The following EPHB1 variants were observed in gnomAD, a reference collection of about 807,000 sequenced individuals.
EPHB1 encodes the protein ephrin type-B receptor 1.
In EPHB1, 30 loss-of-function variants were observed where a neutral mutation model predicts 94.4. That is an observed-to-expected ratio of 0.32 (90% confidence interval 0.24 to 0.43). The LOEUF is 0.43. Ranked by LOEUF, EPHB1 falls within the 20% of genes least tolerant of loss-of-function variation. EPHB1 has a pLI of 1.00. For synonymous variants in EPHB1, 522 were observed against 489.1 expected, an observed-to-expected ratio of 1.07 and a Z score of -0.89; for missense variants, 1,055 against 1,308.3, an observed-to-expected ratio of 0.81 and a Z score of 2.99.
intron 7 of EPHB1, among the ~76,000 whole-genome samples, chr3:135,162,686 G>A (rs188350315): frequency 4.0e-4 from 61 of 152,228 alleles, no homozygotes; most frequent in East Asian, 9.7e-4. Context: ...TGTCCTGCTC[G>A]GATGTCTCCA....
intron 3 of EPHB1, among the ~76,000 whole-genome samples, chr3:134,968,817 C>G (rs1933861626): frequency 6.6e-6 from 1 of 152,140 alleles, no homozygotes; most frequent in Non-Finnish European, 1.5e-5. Context: ...TTATGGCAAC[C>G]TTTTGAGACT....
intron 3 of EPHB1, among the ~76,000 whole-genome samples, chr3:135,089,605 G>C (rs7374940): frequency 0.99 from 150,893 of 152,318 alleles, 74,756 homozygotes; most frequent in Middle Eastern, 1. Flanking sequence ...TATTAAGAGG[G>C]CTTTGCTGGC....
At chr3:134,884,567 A>G (rs2037825243) in intron 1 of EPHB1, among the ~76,000 whole-genome samples, 1 of 152,224 alleles carries the variant, frequency 6.6e-6, no homozygotes, top group Non-Finnish European at 1.5e-5. Flanking sequence ...CTTAATGAGC[A>G]TCAGACACAT....
chr3:134,942,647 A>G (rs1188342436), intron 2 of EPHB1, among the ~76,000 whole-genome samples: 1 of 152,112 alleles, frequency 6.6e-6, no homozygotes, highest in Admixed American at 6.5e-5. Context: ...TATTGGGGAG[A>G]GGTCAAGTTG....
Position 135,054,559 on chromosome 3 carries a change from GC to G in EPHB1, c.806-51887del, listed in dbSNP as rs546202920. Among the ~76,000 whole-genome samples, 299 of 152,284 alleles carry G rather than the reference GC, an allele frequency of 2.0e-3. 2 individuals carry two copies. Among genetic ancestry groups the G allele is most frequent in the Non-Finnish European group, 2.2e-3 (150 of 68,034 alleles). ...GCAACTGTCCAGAGCACAGAGCACA[GC>G]CAGCTAACCCCCCCATTATTGTTGT... On this transcript the variant is annotated intron_variant, in intron 3 of 15. Coordinates refer to ENST00000398015, the MANE Select transcript of EPHB1 (RefSeq NM_004441.5).
chr3:135,209,227 A>C (rs1255349972), intron 12 of EPHB1, among the ~76,000 whole-genome samples: 1 of 152,242 alleles, frequency 6.6e-6, no homozygotes, highest in Non-Finnish European at 1.5e-5. Flanking sequence ...TTAATAGCTA[A>C]TTCAGATAAG....
At chr3:135,147,648 C>A (rs959644224) in intron 5 of EPHB1, among the ~76,000 whole-genome samples, 4 of 152,186 alleles carry the variant, frequency 2.6e-5, no homozygotes, top group Non-Finnish European at 4.4e-5. Flanking sequence ...TCTACCCTGT[C>A]CACCCATGAG....
rs1933281719 is a variant in EPHB1, at chr3:134,956,493, A to G, written c.805+4441A>G. 4.6e-5 allele frequency among the ~76,000 whole-genome samples: 7 copies of G among 152,102 alleles called. No individual in the cohort carries two copies. In the South Asian group the frequency reaches 1.5e-3, roughly 32 times the overall value. ...CAGGATGACCTTAGCTTGCTATTAC[A>G]GAGGGCACGTGCCAACTTATGGTGC... On this transcript the variant is annotated intron_variant, in intron 3 of 15. Coordinates refer to ENST00000398015, the MANE Select transcript of EPHB1 (RefSeq NM_004441.5).
rs114833980 is a variant in EPHB1 at position 134,897,349 on chromosome 3, G to T, written c.59-28467G>T. Among the ~76,000 whole-genome samples, 1,276 of 152,242 alleles carry T rather than the reference G, an allele frequency of 8.4e-3. 11 individuals are homozygous for T. The highest frequency in any genetic ancestry group is 0.013 in the Non-Finnish European group (908 of 68,008). On this transcript the variant is annotated intron_variant, in intron 1 of 15. Coordinates refer to ENST00000398015, the MANE Select transcript of EPHB1 (RefSeq NM_004441.5). ...CTTGGGTCAGGGGTGAGGGAGGGTG[G>T]GGAAAGGAGCAACTGCTGGTGGGCA... is the stretch of plus-strand genomic sequence containing the variant.
chr3:135,233,605 C>A (rs1230259036), intron 12 of EPHB1, among the ~76,000 whole-genome samples: 3 of 152,202 alleles, frequency 2.0e-5, no homozygotes, highest in Non-Finnish European at 4.4e-5. Context: ...TCTCACAGCT[C>A]CACCAGGCAA....
At chr3:135,118,162 G>A (rs1939789202) in intron 4 of EPHB1, among the ~76,000 whole-genome samples, 2 of 152,172 alleles carry the variant, frequency 1.3e-5, no homozygotes, top group South Asian at 2.1e-4. Flanking sequence ...TCTGCATGAG[G>A]CTCCATGAGG....
At chr3:134,855,541 CATCTGCACAGAGAT>C (rs1007319887) in intron 1 of EPHB1, among the ~76,000 whole-genome samples, 3 of 152,314 alleles carry the variant, frequency 2.0e-5, no homozygotes, top group East Asian at 3.9e-4. Flanking sequence ...ACCCACCACT[CATCTGCACAGAGAT>C]ATCAGAAGTC....
chr3:134,909,580 A>G (rs1358557619), intron 1 of EPHB1, among the ~76,000 whole-genome samples: 3 of 152,326 alleles, frequency 2.0e-5, no homozygotes, highest in African/African-American at 7.2e-5. Flanking sequence ...GGATCCCATC[A>G]TGTCCAAGCT....
intron 3 of EPHB1, among the ~76,000 whole-genome samples, chr3:135,021,142 T>C (rs1935974163): frequency 6.6e-6 from 1 of 152,206 alleles, no homozygotes; most frequent in Admixed American, 6.5e-5. Context: ...TTACAGTCTT[T>C]CTTAATTCCT....
chr3:135,217,974 C>A (rs1324748134), intron 12 of EPHB1, among the ~76,000 whole-genome samples: 1 of 152,152 alleles, frequency 6.6e-6, no homozygotes, highest in African/African-American at 2.4e-5. Flanking sequence ...CTTTACTTCT[C>A]CCCATAGCTC....
At chr3:135,171,813 A>G (rs528197947) in intron 9 of EPHB1, among the ~76,000 whole-genome samples, 1 of 152,346 alleles carries the variant, frequency 6.6e-6, no homozygotes, top group African/African-American at 2.4e-5. Flanking sequence ...TAAATTAACT[A>G]GTTTCATCCC....
intron 11 of EPHB1, among the ~76,000 whole-genome samples, chr3:135,200,099 GCT>G (rs2107712531): frequency 6.6e-6 from 1 of 152,290 alleles, no homozygotes; most frequent in South Asian, 2.1e-4. Flanking sequence ...TAATGACTAG[GCT>G]GTGCTCTACT....
intron 11 of EPHB1, among the ~76,000 whole-genome samples, chr3:135,196,668 C>T (rs190195123): frequency 0.013 from 1,969 of 152,106 alleles, 40 homozygotes; most frequent in African/African-American, 0.046. Flanking sequence ...AGGATCACTA[C>T]TCAGAGAAGA....
At chr3:135,031,256 G>A (rs554125591) in intron 3 of EPHB1, among the ~76,000 whole-genome samples, 1 of 152,212 alleles carries the variant, frequency 6.6e-6, no homozygotes, top group Non-Finnish European at 1.5e-5. Flanking sequence ...CCTCAAGAAG[G>A]TTACAAAGAA....
Sources: gnomAD v4.1 joint callset for allele counts (sites outside exome capture counted in the v4.1 genomes callset) on GRCh38, gnomAD v4.1.1 for gene constraint, MANE v1.5 for transcripts, NCBI Gene and HGNC (gene_info 2026-07-23, HGNC 2026-07-21) for gene names.